NRXN3: variants seen among roughly 807,000 people sequenced by gnomAD.
NRXN3 encodes the protein neurexin 3, also known as neurexin III.
A neutral mutation model predicts 137.6 loss-of-function variants in NRXN3; 32 were observed. The observed-to-expected ratio is 0.23, with a 90% CI of 0.18 to 0.31. The LOEUF is 0.31. NRXN3 is among the 10% of genes least tolerant of loss of function. The pLI, the probability that NRXN3 is intolerant of heterozygous loss-of-function variation, is 1.00. For missense variants in NRXN3, 1,574 were observed against 2,062.5 expected (o/e 0.76, Z 4.59); for synonymous variants, 798 against 784.5 (o/e 1.02, Z -0.29).
intron 15 of NRXN3, among the ~76,000 whole-genome samples, chr14:79,214,831 A>T (rs1358148885): frequency 6.6e-6 from 1 of 152,132 alleles, no homozygotes; most frequent in African/African-American, 2.4e-5. Flanking sequence ...CAAATTCTTC[A>T]TTTGTTCTTA....
intron 15 of NRXN3, among the ~76,000 whole-genome samples, chr14:79,449,296 C>G (rs147656461): frequency 2.6e-5 from 4 of 152,126 alleles, no homozygotes; most frequent in African/African-American, 9.7e-5. Flanking sequence ...CATGCCCCTT[C>G]GAATCCCTTC....
chr14:79,732,825 A>G (rs2098928739), intron 19 of NRXN3, among the ~76,000 whole-genome samples: 1 of 152,206 alleles, frequency 6.6e-6, no homozygotes, highest in Non-Finnish European at 1.5e-5. Context: ...TATAGCTGAT[A>G]AACTTTGGAG....
intron 8 of NRXN3, among the ~76,000 whole-genome samples, chr14:78,779,061 A>G (rs769986669): frequency 6.6e-6 from 1 of 152,050 alleles, no homozygotes; most frequent in Non-Finnish European, 1.5e-5. Context: ...CCAATTTTAT[A>G]TCATTAAACC....
At chr14:79,658,436 A>G (rs2098517185) in intron 16 of NRXN3, among the ~76,000 whole-genome samples, 1 of 152,180 alleles carries the variant, frequency 6.6e-6, no homozygotes, top group Non-Finnish European at 1.5e-5. Context: ...ATGACAAAGA[A>G]GCCGCTACCA....
intron 4 of NRXN3, among the ~76,000 whole-genome samples, chr14:78,626,819 T>C (rs892218158): frequency 2.6e-5 from 4 of 152,256 alleles, no homozygotes; most frequent in East Asian, 1.9e-4. Context: ...CCTAGAGCAC[T>C]CTTATCACTT....
In NRXN3 at chr14:79,840,001, G is replaced by A. The variant is rs201097642; in HGVS notation, c.4094-21341G>A. 2.9e-3 allele frequency among the ~76,000 whole-genome samples: 444 copies of A among 150,678 alleles called. 15 individuals carry two copies. The East Asian group carries it at 0.076, about 26-fold the overall frequency. ...TATGTATGTATGTATGTATTTAAAC[G>A]AATGCTTGTATATCTAGCATCTCTT... is the stretch of plus-strand genomic sequence containing the variant. On this transcript the variant is annotated intron_variant, in intron 20 of 20. Coordinates refer to ENST00000335750, the MANE Select transcript of NRXN3 (RefSeq NM_001330195.2).
At chr14:78,950,176 A>G (rs1257491777) in intron 10 of NRXN3, among the ~76,000 whole-genome samples, 1 of 152,186 alleles carries the variant, frequency 6.6e-6, no homozygotes, top group East Asian at 1.9e-4. Flanking sequence ...ATATCCACAA[A>G]AGGATCTTCC....
rs111946836 is a variant in NRXN3, at chr14:78,888,029, G to A, written c.2276-69213G>A. ...ATCTGGCTCTGATATTTTGGCATTC[G>A]GGAGTGGCAGACCAAGCTCAAATTG... On this transcript the variant is annotated intron_variant, in intron 10 of 20. Transcript: ENST00000335750. Among the ~76,000 whole-genome samples the A allele has an allele frequency of 4.3e-3, 655 of 152,082 alleles. 2 individuals are homozygous for A. Among genetic ancestry groups the A allele is most frequent in the Non-Finnish European group, 6.5e-3 (445 of 67,956 alleles).
At chr14:79,422,350 A>G (rs116168011) in intron 15 of NRXN3, among the ~76,000 whole-genome samples, 38 of 152,252 alleles carry the variant, frequency 2.5e-4, no homozygotes, top group African/African-American at 8.7e-4. Flanking sequence ...GGCATGAGCC[A>G]CCAGGCCCAG....
intron 4 of NRXN3, among the ~76,000 whole-genome samples, chr14:78,503,809 C>A (rs12588813): frequency 6.6e-6 from 1 of 152,132 alleles, no homozygotes. Flanking sequence ...AGGACAGGCC[C>A]ACTTTACATG....
At chr14:79,781,495 A>G (rs1475448391) in intron 19 of NRXN3, among the ~76,000 whole-genome samples, 1 of 152,254 alleles carries the variant, frequency 6.6e-6, no homozygotes, top group Non-Finnish European at 1.5e-5. Context: ...ATGAAAGTAT[A>G]TAGGTAAACA....
At chr14:79,612,370 G>C (rs376812272) in intron 16 of NRXN3, among the ~76,000 whole-genome samples, 106 of 152,288 alleles carry the variant, frequency 7.0e-4, no homozygotes, top group African/African-American at 2.4e-3. Context: ...AGTGGATAAA[G>C]AGCTGCTCCA....
intron 3 of NRXN3, among the ~76,000 whole-genome samples, chr14:78,296,957 T>C (rs186995365): frequency 2.6e-4 from 39 of 152,330 alleles, no homozygotes; most frequent in African/African-American, 9.4e-4. Context: ...AATTGGTTCC[T>C]GGTTAAAAAT....
At chr14:79,599,935 C>T (rs1013273875) in intron 16 of NRXN3, among the ~76,000 whole-genome samples, 3 of 152,214 alleles carry the variant, frequency 2.0e-5, no homozygotes, top group Non-Finnish European at 4.4e-5. Context: ...GCGGAGGTTG[C>T]AGTGAGCTGA....
chr14:78,703,077 C>A (rs186729888), intron 6 of NRXN3, among the ~76,000 whole-genome samples: 1 of 152,326 alleles, frequency 6.6e-6, no homozygotes. Flanking sequence ...TAAACTGCTA[C>A]TTCAATCTAA....
intron 6 of NRXN3, among the ~76,000 whole-genome samples, chr14:78,689,824 T>TTC (rs143870046): frequency 4.8e-4 from 71 of 146,898 alleles, no homozygotes; most frequent in Middle Eastern, 7.0e-3. Context: ...CTCACTCTCT[T>TTC]TCTCTCTCTC....
intron 16 of NRXN3, among the ~76,000 whole-genome samples, chr14:79,606,970 G>A (rs2098028069): frequency 6.6e-6 from 1 of 152,222 alleles, no homozygotes; most frequent in Non-Finnish European, 1.5e-5. Flanking sequence ...TGGCTGGCAA[G>A]TTTTGCTTTA....
At chr14:79,131,264 G>C (rs2057426045) in intron 15 of NRXN3, among the ~76,000 whole-genome samples, 1 of 152,064 alleles carries the variant, frequency 6.6e-6, no homozygotes, top group Non-Finnish European at 1.5e-5. Flanking sequence ...CTGCTTTTTA[G>C]AGTTTCCAGT....
In NRXN3 at chr14:79,543,022, A is replaced by C. The variant is rs548897287; in HGVS notation, c.3444+75620A>C. Among the ~76,000 whole-genome samples the C allele has an allele frequency of 1.6e-4, 24 of 152,298 alleles. No homozygotes were observed. The South Asian group carries it at 4.8e-3, about 30-fold the overall frequency. ...AATTAAAGGCACAGGTATTCAGTTG[A>C]AAGGACATATTTTTCTCCTCTAACT... On this transcript the variant is annotated intron_variant, in intron 16 of 20. Transcript: ENST00000335750.
Sources: gnomAD v4.1 joint callset for allele counts (sites outside exome capture counted in the v4.1 genomes callset) on GRCh38, gnomAD v4.1.1 for gene constraint, MANE v1.5 for transcripts, NCBI Gene and HGNC (gene_info 2026-07-23, HGNC 2026-07-21) for gene names.